Variants in SLC6A11 observed in about 807,000 individuals in gnomAD.
SLC6A11 encodes solute carrier family 6 member 11.
A neutral mutation model predicts 74.8 loss-of-function variants in SLC6A11; 25 were observed. The ratio of observed to expected loss-of-function variants is 0.33; its 90% CI spans 0.24 to 0.47. SLC6A11 has a LOEUF of 0.47. Ranked by LOEUF, SLC6A11 falls within the 20% of genes least tolerant of loss-of-function variation. The pLI is 1.00. For missense variants in SLC6A11, 574 were observed against 837.0 expected (o/e 0.69, Z 3.88); for synonymous variants, 330 against 330.2 (o/e 1.00, Z 0.01).
chr3:10,888,633 A>G (rs1256515786), intron 6 of SLC6A11, among the ~76,000 whole-genome samples: 2 of 152,252 alleles, frequency 1.3e-5, no homozygotes, highest in East Asian at 1.9e-4. Context: ...GTGAGAGTAC[A>G]GGGATGAAAT....
intron 6 of SLC6A11, among the ~76,000 whole-genome samples, chr3:10,901,871 A>G (rs1162430716): frequency 6.6e-6 from 1 of 152,258 alleles, no homozygotes; most frequent in African/African-American, 2.4e-5. Context: ...ATTCACTTCT[A>G]CAAAAGCCGT....
chr3:10,856,641 C>T (rs1415195174), intron 5 of SLC6A11, among the ~76,000 whole-genome samples: 1 of 152,186 alleles, frequency 6.6e-6, no homozygotes, highest in Non-Finnish European at 1.5e-5. Context: ...ACAGAGTCCT[C>T]AACAAGCATT....
chr3:10,844,162 C>T, intron 4 of SLC6A11, 52 bp from the exon 5 acceptor site: 1 of 1,610,414 alleles, frequency 6.2e-7, no homozygotes, highest in Non-Finnish European at 8.5e-7. Flanking sequence ...ACTAGCTTTG[C>T]TGAAAATGGG....
rs1296466543 is a variant in SLC6A11, at chr3:10,935,038, ATCT to A, written c.1593_1595del (p.Phe531del). On this transcript the variant is annotated inframe_deletion, in exon 13 of 14. Transcript: ENST00000254488. ...CCCCATCTCTCTGCAGGGGATCTTC[ATCT>A]TCTTCTTGATCAAGTACAAGCCACT... The A allele has an allele frequency of 3.1e-6, 5 of 1,613,854 alleles. No homozygotes were observed. The highest frequency in any genetic ancestry group is 4.2e-6 in the Non-Finnish European group (5 of 1,179,872).
chr3:10,889,700 AC>A (rs774137373), intron 6 of SLC6A11, among the ~76,000 whole-genome samples: 1 of 152,098 alleles, frequency 6.6e-6, no homozygotes, highest in African/African-American at 2.4e-5. Flanking sequence ...TTTTAGCAAC[AC>A]CCCTGGTGGT....
chr3:10,855,735 G>A (rs1694631378), intron 5 of SLC6A11, among the ~76,000 whole-genome samples: 1 of 152,216 alleles, frequency 6.6e-6, no homozygotes, highest in Non-Finnish European at 1.5e-5. Context: ...AGATAAACGT[G>A]ACCCTGGGGA....
At position 10,918,349 on chromosome 3, in the gene SLC6A11, G is replaced by T; in HGVS notation, c.1016G>T (p.Cys339Phe). 6.2e-6 allele frequency: 10 copies of T among 1,606,292 alleles called. No individual in the cohort carries two copies. The highest frequency in any genetic ancestry group is 8.5e-6 in the Non-Finnish European group (10 of 1,177,070). ...CACAGGGACTGCATCATGCTCTGTT[G>T]CCTGAACAGCGGCACCAGCTTCGTG... is the stretch of plus-strand genomic sequence containing the variant. ...NCYRDCIMLC[C>F]LNSGTSFVAG... Residue 339 changes from cysteine to phenylalanine, a missense_variant, in exon 8 of 14, where the codon TGC (cysteine) becomes TTC (phenylalanine). Cys to Phe is a radical substitution (Grantham distance 205). This residue lies in a region of SLC6A11 where 215 missense variants were observed against 357.9 expected (regional missense o/e 0.60). Transcript: ENST00000254488. This position sits in a 1 kb window ranked among gnomAD's most constrained non-coding sequence, Gnocchi z 4.5.
intron 4 of SLC6A11, among the ~76,000 whole-genome samples, chr3:10,830,695 G>A (rs536508434): frequency 6.6e-6 from 1 of 152,288 alleles, no homozygotes; most frequent in South Asian, 2.1e-4. Flanking sequence ...GAGCTACAGG[G>A]CCGAGGGAGC....
At chr3:10,886,675 C>T (rs1695046068) in intron 6 of SLC6A11, among the ~76,000 whole-genome samples, 1 of 152,140 alleles carries the variant, frequency 6.6e-6, no homozygotes, top group Non-Finnish European at 1.5e-5. Context: ...GGCATGATGG[C>T]ATGTGCCTGT....
intron 5 of SLC6A11, among the ~76,000 whole-genome samples, chr3:10,856,098 C>T (rs1274580251): frequency 1.3e-5 from 2 of 152,208 alleles, no homozygotes; most frequent in Non-Finnish European, 1.5e-5. Flanking sequence ...GCTAGCATTT[C>T]GTGGCAGTCA....
chr3:10,929,123 C>A, intron 9 of SLC6A11, 79 bp from the exon 10 acceptor site: 1 of 1,504,872 alleles, frequency 6.6e-7, no homozygotes, highest in Non-Finnish European at 9.1e-7. Flanking sequence ...GGGTTCAGGC[C>A]TGCTGCGCTT....
At chr3:10,911,813 C>T (rs969701722) in intron 6 of SLC6A11, among the ~76,000 whole-genome samples, 6 of 152,218 alleles carry the variant, frequency 3.9e-5, no homozygotes, top group East Asian at 3.9e-4. Flanking sequence ...CAGCTGAGGC[C>T]GGGGTCCTAA....
chr3:10,872,482 C>T (rs1221621392), intron 5 of SLC6A11, among the ~76,000 whole-genome samples: 1 of 152,178 alleles, frequency 6.6e-6, no homozygotes, highest in Non-Finnish European at 1.5e-5. Context: ...CTGGACTGCT[C>T]TTGCAGTGAG....
At chr3:10,824,508 T>C (rs1694179271) in intron 4 of SLC6A11, 1 of 152,230 alleles carries the variant, frequency 6.6e-6, no homozygotes, top group Non-Finnish European at 1.5e-5. Flanking sequence ...ATCTTCATAC[T>C]TTTCATATAT....
chr3:10,825,180 C>CCCAAAAA (rs1694191992), intron 4 of SLC6A11: 1 of 120,850 alleles, frequency 8.3e-6, no homozygotes, highest in Admixed American at 8.3e-5. Flanking sequence ...GAGACTGTCT[C>CCCAAAAA]AAAAAAAAAA....
At chr3:10,871,951 A>C (rs565209680) in intron 5 of SLC6A11, among the ~76,000 whole-genome samples, 28 of 152,330 alleles carry the variant, frequency 1.8e-4, no homozygotes, top group African/African-American at 6.3e-4. Context: ...GGTTATGTCC[A>C]CAGGACCCAC....
At chr3:10,870,969 A>G (rs1694821863) in intron 5 of SLC6A11, among the ~76,000 whole-genome samples, 4 of 152,238 alleles carry the variant, frequency 2.6e-5, no homozygotes, top group Admixed American at 2.0e-4. Flanking sequence ...GTTTTATAAA[A>G]GAAGTATAAA....
chr3:10,906,665 C>T (rs1695306500), intron 6 of SLC6A11, among the ~76,000 whole-genome samples: 1 of 152,156 alleles, frequency 6.6e-6, no homozygotes, highest in Non-Finnish European at 1.5e-5. Context: ...CCTGTGAACA[C>T]TACGCACTAA....
intron 4 of SLC6A11, among the ~76,000 whole-genome samples, chr3:10,828,755 C>T (rs990194485): frequency 2.0e-5 from 3 of 152,224 alleles, no homozygotes; most frequent in Non-Finnish European, 2.9e-5. Context: ...ATGGAATCCA[C>T]ACCCCAGTCC....
Sources: gnomAD v4.1 joint callset for allele counts (sites outside exome capture counted in the v4.1 genomes callset) on GRCh38, gnomAD v4.1.1 for gene constraint, gnomAD v4.1.1 regional missense constraint, Gnocchi (gnomAD v3.1) non-coding constraint, MANE v1.5 for transcripts, NCBI Gene and HGNC (gene_info 2026-07-23, HGNC 2026-07-21) for gene names.